CDH9: variants seen among roughly 807,000 people sequenced by gnomAD.
The protein encoded by CDH9 is cadherin-9.
Under a neutral mutation model 70.9 loss-of-function variants are expected in CDH9, and 28 were observed. The observed-to-expected ratio is 0.40, with a 90% confidence interval of 0.29 to 0.54. The LOEUF is 0.54. CDH9 is among the 20% of genes least tolerant of loss of function. The probability of loss-of-function intolerance (pLI) is 0.59; values close to 1 mark genes in which losing one functional copy is unlikely to be tolerated. For missense variants in CDH9, 874 were observed against 984.4 expected, an observed-to-expected ratio of 0.89 and a Z score of 1.50; for synonymous variants, 409 against 343.1, an observed-to-expected ratio of 1.19 and a Z score of -2.12.
intron 7 of CDH9, among the ~76,000 whole-genome samples, chr5:26,894,503 C>T (rs1280908044): frequency 1.3e-5 from 2 of 152,016 alleles, no homozygotes; most frequent in African/African-American, 4.8e-5. Context: ...ACAGAAATAG[C>T]TCACTTTTAA....
At position 26,915,811 on chromosome 5, in the gene CDH9, C is replaced by G; in HGVS notation, c.342G>C (p.Lys114Asn). Residue 114 changes from lysine to asparagine, a missense_variant, in exon 3 of 12, where the codon AAG becomes AAC. Transcript: ENST00000231021. ...DENTGDIHAA[K>N]KLDREEKSLY... ...GAGATTTTTCTTCTCTGTCTAGTTT[C>G]TTTGCAGCATGAATGTCTCCTGTAT... is the stretch of plus-strand genomic sequence containing the variant. 6.2e-7 allele frequency: 1 copy of G among 1,613,526 alleles called. No individual in the cohort carries two copies. The highest frequency in any genetic ancestry group is 2.2e-5 in the East Asian group (1 of 44,860).
intron 11 of CDH9, among the ~76,000 whole-genome samples, chr5:26,883,094 T>TATATAA (rs1740500290): frequency 3.0e-5 from 3 of 100,358 alleles, no homozygotes; most frequent in African/African-American, 1.2e-4. Context: ...TATATATATA[T>TATATAA]AAAACTGCAG....
At chr5:26,948,506 G>A (rs528829409) in intron 2 of CDH9, among the ~76,000 whole-genome samples, 70 of 152,282 alleles carry the variant, frequency 4.6e-4, no homozygotes, top group Middle Eastern at 3.4e-3. Context: ...TATGGGTTAC[G>A]AATATGCAAC....
intron 1 of CDH9, among the ~76,000 whole-genome samples, chr5:26,988,954 T>C (rs1421941666): frequency 6.6e-6 from 1 of 152,068 alleles, no homozygotes; most frequent in Non-Finnish European, 1.5e-5. Flanking sequence ...CTTAGCACCA[T>C]GTCGATCTTT....
chr5:26,887,790 A>T (rs912426517), intron 9 of CDH9, among the ~76,000 whole-genome samples: 3 of 152,134 alleles, frequency 2.0e-5, no homozygotes, highest in Non-Finnish European at 2.9e-5. Context: ...ACAGAAACAG[A>T]TACAGGAAGA....
chr5:26,884,493 G>A (rs544559352), intron 11 of CDH9, among the ~76,000 whole-genome samples: 1 of 152,190 alleles, frequency 6.6e-6, no homozygotes, highest in African/African-American at 2.4e-5. Context: ...ATTTTACAGA[G>A]GAGTTGAACT....
intron 3 of CDH9, among the ~76,000 whole-genome samples, chr5:26,913,484 G>A (rs1298121250): frequency 6.6e-6 from 1 of 152,026 alleles, no homozygotes; most frequent in Non-Finnish European, 1.5e-5. Flanking sequence ...ACATCTGCCT[G>A]CTACTATATC....
chr5:26,915,484 T>C (rs1266649490), intron 3 of CDH9, 146 bp downstream of exon 3: 1 of 543,418 alleles, frequency 1.8e-6, no homozygotes, highest in East Asian at 2.8e-5. Flanking sequence ...GAAATAAAAA[T>C]AGAAGAGCTA....
chr5:27,001,296 A>G (rs1397804384), intron 1 of CDH9, among the ~76,000 whole-genome samples: 1 of 152,116 alleles, frequency 6.6e-6, no homozygotes, highest in African/African-American at 2.4e-5. Context: ...TCTAAGACTA[A>G]ATGGAAAAAA....
At chr5:26,905,580 T>C (rs371697996) in intron 5 of CDH9, among the ~76,000 whole-genome samples, 1 of 152,102 alleles carries the variant, frequency 6.6e-6, no homozygotes, top group East Asian at 1.9e-4. Context: ...TGAATCCAGA[T>C]AGGCAGACAT....
At chr5:27,005,109 A>C (rs1215040244) in intron 1 of CDH9, among the ~76,000 whole-genome samples, 2 of 152,146 alleles carry the variant, frequency 1.3e-5, no homozygotes, top group Non-Finnish European at 2.9e-5. Context: ...TTCTTAGTAT[A>C]AAAAGAGAAA....
chr5:27,012,631 T>A (rs1742978263), intron 1 of CDH9, among the ~76,000 whole-genome samples: 1 of 151,958 alleles, frequency 6.6e-6, no homozygotes. Context: ...ACAGATTATT[T>A]GTACAAGCCA....
chr5:26,883,857 G>A (rs1740515707), intron 11 of CDH9, among the ~76,000 whole-genome samples: 1 of 151,980 alleles, frequency 6.6e-6, no homozygotes, highest in Admixed American at 6.6e-5. Flanking sequence ...TTATAAAATA[G>A]ATATAAACTA....
At chr5:27,002,308 T>C (rs975297787) in intron 1 of CDH9, among the ~76,000 whole-genome samples, 2 of 152,138 alleles carry the variant, frequency 1.3e-5, no homozygotes, top group African/African-American at 4.8e-5. Context: ...AGGAACACTT[T>C]TACACTGTTG....
At chr5:26,916,225 C>T (rs1042927677) in intron 2 of CDH9, among the ~76,000 whole-genome samples, 6 of 151,810 alleles carry the variant, frequency 4.0e-5, no homozygotes, top group Non-Finnish European at 8.8e-5. Flanking sequence ...ACCTCCAGTG[C>T]ATTACAAAAA....
At position 26,903,958 on chromosome 5, in the gene CDH9, A is replaced by T. The variant is rs536751791; in HGVS notation, c.812-134T>A. ...ATCATATTGAATTGTAAGCTGTCAA[A>T]ATTGTATATTTATTAATTTGGAAAA... On this transcript the variant is annotated intron_variant, in intron 5 of 11. Transcript: ENST00000231021. 7.7e-4 allele frequency: 430 copies of T among 554,966 alleles called. 4 individuals carry two copies. Among genetic ancestry groups the T allele is most frequent in the South Asian group, 5.0e-3 (196 of 39,550 alleles). The allele number at this position is 554,966 out of a possible 1,614,324, so 34.4% of individuals were successfully genotyped here.
chr5:26,975,397 G>A (rs1742289218), intron 2 of CDH9, among the ~76,000 whole-genome samples: 1 of 152,136 alleles, frequency 6.6e-6, no homozygotes, highest in Non-Finnish European at 1.5e-5. Flanking sequence ...TGAAATAAGA[G>A]AATGAGTCAT....
chr5:26,882,136 TGA>T (rs997141941), intron 11 of CDH9, among the ~76,000 whole-genome samples: 3 of 152,100 alleles, frequency 2.0e-5, no homozygotes, highest in Non-Finnish European at 2.9e-5. Context: ...TGAATATGTA[TGA>T]GTCACTGATT....
chr5:26,984,121 T>C (rs1275235514), intron 2 of CDH9, among the ~76,000 whole-genome samples: 1 of 152,088 alleles, frequency 6.6e-6, no homozygotes, highest in Non-Finnish European at 1.5e-5. Context: ...CCCTTTCCAC[T>C]CTAGAATCTA....
Sources: gnomAD v4.1 joint callset for allele counts (sites outside exome capture counted in the v4.1 genomes callset) on GRCh38, gnomAD v4.1.1 for gene constraint, MANE v1.5 for transcripts, NCBI Gene and HGNC (gene_info 2026-07-23, HGNC 2026-07-21) for gene names.